TBL1XR1: variants seen among roughly 807,000 people sequenced by gnomAD.
The protein encoded by TBL1XR1 is TBL1X/Y related 1, also known as F-box-like/WD repeat-containing protein TBL1XR1.
In TBL1XR1, 5 loss-of-function variants were observed where a neutral mutation model predicts 66.9. The observed-to-expected ratio is 0.07, with a 90% CI of 0.04 to 0.16. The LOEUF (loss-of-function observed/expected upper bound fraction) is 0.16, where lower values mean the gene tolerates loss of function less well. Among genes scored for constraint, TBL1XR1 ranks in the 10% least tolerant of loss-of-function variants. TBL1XR1 has a pLI of 1.00. For missense variants in TBL1XR1, 238 were observed against 623.2 expected, an observed-to-expected ratio of 0.38 and a Z score of 6.58; for synonymous variants, 210 against 206.0, an observed-to-expected ratio of 1.02 and a Z score of -0.17.
chr3:177,056,580 T>C (rs114516815), intron 3 of TBL1XR1, among the ~76,000 whole-genome samples: 1,750 of 152,346 alleles, frequency 0.011, 40 homozygotes, highest in African/African-American at 0.04. Context: ...TCTGCTTAAA[T>C]GTTGAATTCA....
chr3:177,042,319 T>C (rs1715698082), intron 10 of TBL1XR1, among the ~76,000 whole-genome samples: 1 of 152,112 alleles, frequency 6.6e-6, no homozygotes, highest in Admixed American at 6.6e-5. Flanking sequence ...AGGCCAAATA[T>C]ATGTCAGGAT....
chr3:177,200,264 G>T (rs373368634), upstream of TBL1XR1, among the ~76,000 whole-genome samples: 174 of 152,280 alleles, frequency 1.1e-3, 5 homozygotes, highest in South Asian at 0.035. Flanking sequence ...GAGCCACTGT[G>T]CCCGGCAGCC....
intron 2 of TBL1XR1, among the ~76,000 whole-genome samples, chr3:177,072,206 T>C (rs561402235): frequency 6.6e-6 from 1 of 152,352 alleles, no homozygotes; most frequent in Non-Finnish European, 1.5e-5. Flanking sequence ...TCTATTATAC[T>C]AATGACAAAA....
At chr3:177,160,205 G>C (rs2108885435) in intron 1 of TBL1XR1, among the ~76,000 whole-genome samples, 1 of 152,232 alleles carries the variant, frequency 6.6e-6, no homozygotes, top group East Asian at 1.9e-4. Context: ...GGGCGCAGTG[G>C]CTCAGTCCTG....
chr3:177,184,346 T>TA (rs1405722370), intron 1 of TBL1XR1, among the ~76,000 whole-genome samples: 2 of 152,202 alleles, frequency 1.3e-5, no homozygotes, highest in Non-Finnish European at 2.9e-5. Flanking sequence ...CTATAATTAT[T>TA]AAAGTCAACC....
intron 1 of TBL1XR1, among the ~76,000 whole-genome samples, chr3:177,168,198 T>G (rs1419947052): frequency 6.6e-6 from 1 of 152,212 alleles, no homozygotes; most frequent in African/African-American, 2.4e-5. Flanking sequence ...AATTAAAGTG[T>G]TCATTTAGGT....
At chr3:177,031,775 A>G (rs767778748) in intron 14 of TBL1XR1, among the ~76,000 whole-genome samples, 2 of 150,940 alleles carry the variant, frequency 1.3e-5, no homozygotes, top group Non-Finnish European at 3.0e-5. Flanking sequence ...AAAGAAAAAC[A>G]AAAATAAATA....
chr3:177,194,153 T>C (rs1274197624), intron 1 of TBL1XR1: 1 of 152,262 alleles, frequency 6.6e-6, no homozygotes, highest in African/African-American at 2.4e-5. Flanking sequence ...TTTCTATTGG[T>C]GGCAGAGCAG....
Position 177,025,371 on chromosome 3 carries a change from T to C in TBL1XR1, c.*127A>G. 1 of 900,796 alleles carries C rather than the reference T, an allele frequency of 1.1e-6. No homozygotes were observed. The highest frequency in any genetic ancestry group is 1.7e-6 in the Non-Finnish European group (1 of 583,766). 55.8% of individuals were successfully genotyped at this position (900,796 alleles called of 1,614,324 possible). A position where few individuals can be genotyped will look rare whatever the true frequency, so the allele number is the denominator to read the frequency against. On this transcript the variant is annotated 3_prime_UTR_variant, in exon 16 of 16. Transcript: ENST00000457928. ...GTTTATATACACTGTATGTATATATTTCTTTTAGATTTGGCTGTAGTGGAC... is the reference window on the plus strand; with the variant it reads ...GTTTATATACACTGTATGTATATATCTCTTTTAGATTTGGCTGTAGTGGAC...
chr3:177,186,311 TATGA>T (rs1735400908), intron 1 of TBL1XR1, among the ~76,000 whole-genome samples: 1 of 152,226 alleles, frequency 6.6e-6, no homozygotes, highest in Non-Finnish European at 1.5e-5. Flanking sequence ...TACATTGTTA[TATGA>T]ATGAGTGCCA....
At chr3:177,144,441 T>A (rs188745309) in intron 1 of TBL1XR1, among the ~76,000 whole-genome samples, 1 of 151,924 alleles carries the variant, frequency 6.6e-6, no homozygotes, top group Non-Finnish European at 1.5e-5. Context: ...TACTCAACTG[T>A]GTAGTTGTGA....
At chr3:177,110,071 T>G (rs1725372775) in intron 1 of TBL1XR1, among the ~76,000 whole-genome samples, 1 of 152,162 alleles carries the variant, frequency 6.6e-6, no homozygotes. Flanking sequence ...TCCTATATAT[T>G]GTGAAGCTAC....
intron 1 of TBL1XR1, among the ~76,000 whole-genome samples, chr3:177,150,388 T>C (rs868755300): frequency 1.3e-5 from 2 of 152,156 alleles, no homozygotes; most frequent in Non-Finnish European, 2.9e-5. Flanking sequence ...ACAACAGGAA[T>C]GTGCAGCTAC....
chr3:177,105,850 G>A (rs1287053566), intron 1 of TBL1XR1, among the ~76,000 whole-genome samples: 1 of 152,036 alleles, frequency 6.6e-6, no homozygotes, highest in Non-Finnish European at 1.5e-5. Flanking sequence ...GTGGGGGTGG[G>A]AAGGGAAGGG....
At chr3:177,127,738 T>C (rs1252049920) in intron 1 of TBL1XR1, among the ~76,000 whole-genome samples, 1 of 152,092 alleles carries the variant, frequency 6.6e-6, no homozygotes, top group African/African-American at 2.4e-5. Context: ...TTTAAGGAGT[T>C]TGGGAGGTTT....
At chr3:177,114,366 T>C (rs1726034944) in intron 1 of TBL1XR1, among the ~76,000 whole-genome samples, 1 of 151,934 alleles carries the variant, frequency 6.6e-6, no homozygotes, top group Admixed American at 6.6e-5. Flanking sequence ...TACAGCAGTG[T>C]TATCATAGCT....
chr3:177,052,499 G>T (rs1418749540), intron 4 of TBL1XR1, among the ~76,000 whole-genome samples: 4 of 152,114 alleles, frequency 2.6e-5, no homozygotes, highest in South Asian at 2.1e-4. Flanking sequence ...AATATTTCAG[G>T]AACAGGAGAA....
intron 1 of TBL1XR1, among the ~76,000 whole-genome samples, chr3:177,141,107 A>G (rs1351603418): frequency 2.0e-5 from 3 of 152,232 alleles, no homozygotes; most frequent in East Asian, 3.8e-4. Flanking sequence ...TTCAAATGAA[A>G]TATGTCCCAT....
chr3:177,151,558 G>A (rs1485946555), intron 1 of TBL1XR1, among the ~76,000 whole-genome samples: 8 of 152,068 alleles, frequency 5.3e-5, no homozygotes, highest in Admixed American at 1.3e-4. Flanking sequence ...CCCTCTGTCC[G>A]TGGAAAAACT....
Sources: allele counts gnomAD v4.1 joint callset (sites outside exome capture counted in the v4.1 genomes callset), GRCh38; gene constraint gnomAD v4.1.1; transcripts MANE v1.5; gene names NCBI Gene and HGNC (gene_info 2026-07-23, HGNC 2026-07-21).